POC1B: variants seen among roughly 807,000 people sequenced by gnomAD.
POC1B encodes the protein POC1 centriolar protein B.
POC1B carries 44 observed loss-of-function variants against 60.6 expected under a neutral mutation model. The observed-to-expected ratio is 0.73, with a 90% CI of 0.57 to 0.93. The LOEUF (loss-of-function observed/expected upper bound fraction) is 0.93, where lower values mean the gene tolerates loss of function less well. Ranked by LOEUF, POC1B falls within the 40% of genes least tolerant of loss-of-function variation. The pLI is 0.00. For synonymous variants in POC1B, 180 were observed against 198.9 expected (o/e 0.90, Z 0.80); for missense variants, 555 against 572.3 (o/e 0.97, Z 0.31).
chr12:89,439,961 T>G (rs1881440334), intron 10 of POC1B, among the ~76,000 whole-genome samples: 1 of 152,182 alleles, frequency 6.6e-6, no homozygotes, highest in Admixed American at 6.5e-5. Context: ...AAACTCTCTC[T>G]GATCCCACAC....
intron 4 of POC1B, 110 bp from the exon 5 acceptor site, chr12:89,472,385 CT>C (rs1203946714): frequency 1.5e-6 from 1 of 687,156 alleles, no homozygotes; most frequent in African/African-American, 1.8e-5. Flanking sequence ...CCAGAGACCA[CT>C]GTTACCATCC....
intron 4 of POC1B, among the ~76,000 whole-genome samples, chr12:89,486,236 C>T (rs1030494138): frequency 2.6e-5 from 4 of 152,030 alleles, no homozygotes; most frequent in Admixed American, 6.6e-5. Context: ...ACTTGTAATT[C>T]GAAGTCTAAT....
chr12:89,412,592 G>A, the POC1B span, among the ~76,000 whole-genome samples: 2 of 151,076 alleles, frequency 1.3e-5, no homozygotes, highest in Admixed American at 6.6e-5. Flanking sequence ...AGAAGAATCC[G>A]CTTGAACCCG....
chr12:89,492,295 C>T (rs777873018), intron 3 of POC1B, among the ~76,000 whole-genome samples, 180 bp from the exon 4 acceptor site: 1 of 152,012 alleles, frequency 6.6e-6, no homozygotes, highest in African/African-American at 2.4e-5. Context: ...ACTGAAATTT[C>T]CATGAAATTT....
In POC1B at chr12:89,442,585, A is replaced by C. The variant is rs142334962; in HGVS notation, c.1113+17053T>G. On this transcript the variant is annotated intron_variant, in intron 10 of 11. Transcript: ENST00000313546. The stretch of plus-strand genomic sequence containing the variant: ...ATTTTGTCACCACCAGGCCTGCCTT[A>C]CAAGAGCTCCTGAAGGAAGCACTAA... Among the ~76,000 whole-genome samples the C allele has an allele frequency of 6.1e-3, 933 of 152,348 alleles. 7 individuals are homozygous for C. Among genetic ancestry groups the C allele is most frequent in the African/African-American group, 0.022 (897 of 41,578 alleles).
intron 10 of POC1B, among the ~76,000 whole-genome samples, chr12:89,450,585 T>C (rs1882000227): frequency 6.6e-6 from 1 of 152,094 alleles, no homozygotes. Context: ...AGTACACAAA[T>C]ACACAATCTT....
At chr12:89,483,642 G>T (rs1868471433) in intron 4 of POC1B, among the ~76,000 whole-genome samples, 2 of 152,048 alleles carry the variant, frequency 1.3e-5, no homozygotes, top group African/African-American at 4.8e-5. Flanking sequence ...TGAATTTTTT[G>T]GGAGACACAA....
At chr12:89,456,140 C>A (rs1882248277) in intron 10 of POC1B, among the ~76,000 whole-genome samples, 2 of 152,146 alleles carry the variant, frequency 1.3e-5, no homozygotes, top group South Asian at 4.2e-4. Flanking sequence ...CCTGCCTCAG[C>A]CTCCCAAGTA....
downstream of POC1B, among the ~76,000 whole-genome samples, chr12:89,418,971 T>C (rs1880421263): frequency 6.6e-6 from 1 of 151,918 alleles, no homozygotes; most frequent in Non-Finnish European, 1.5e-5. Flanking sequence ...TGGTGGGAAA[T>C]GAAGGTGGTA....
intron 4 of POC1B, among the ~76,000 whole-genome samples, chr12:89,490,553 C>T (rs758364336): frequency 1.6e-4 from 24 of 152,164 alleles, no homozygotes; most frequent in Non-Finnish European, 3.4e-4. Context: ...CCACATTGGC[C>T]AGGCTGGTCT....
chr12:89,436,203 G>A (rs1031136750), intron 10 of POC1B, among the ~76,000 whole-genome samples: 9 of 151,720 alleles, frequency 5.9e-5, no homozygotes, highest in African/African-American at 1.9e-4. Context: ...CACCCATCTC[G>A]GCCTTCCAAA....
chr12:89,413,678 A>G, the POC1B span, among the ~76,000 whole-genome samples: 2 of 152,096 alleles, frequency 1.3e-5, no homozygotes, highest in African/African-American at 2.4e-5. Flanking sequence ...TAACCCTTAC[A>G]TTGTGTGGTT....
chr12:89,421,115 T>C lies in POC1B; in HGVS notation c.*38A>G, dbSNP rs367799069. 84 of 1,485,000 alleles carry C rather than the reference T, an allele frequency of 5.7e-5. No homozygotes were observed. The highest frequency in any genetic ancestry group is 7.5e-5 in the Non-Finnish European group (81 of 1,082,084). The allele number at this position is 1,485,000 out of a possible 1,614,324, so 92.0% of individuals were successfully genotyped here. A position where few individuals can be genotyped will look rare whatever the true frequency, so the allele number is the denominator to read the frequency against. On this transcript the variant is annotated 3_prime_UTR_variant, in exon 12 of 12. Coordinates refer to ENST00000313546, the MANE Select transcript of POC1B (RefSeq NM_172240.3). ...GAGTGTATGTACATTTGTTCATTTA[T>C]TGGGCCTCTGCCCAACAAATGAAAA...
At chr12:89,418,508 T>C (rs146698007), downstream of POC1B, among the ~76,000 whole-genome samples, 160 of 152,072 alleles carry the variant, frequency 1.1e-3, 2 homozygotes, top group African/African-American at 3.6e-3. Context: ...GGTGCTATGG[T>C]TTGGATATGG....
intron 10 of POC1B, among the ~76,000 whole-genome samples, chr12:89,448,590 C>T (rs573487890): frequency 2.2e-4 from 33 of 152,208 alleles, no homozygotes; most frequent in African/African-American, 7.5e-4. Context: ...GTAACAAAGC[C>T]CTGCCAAGGG....
intron 2 of POC1B, chr12:89,524,507 GCAGCAGGCAGCT>G: frequency 1.2e-6 from 2 of 1,612,358 alleles, no homozygotes; most frequent in Non-Finnish European, 1.7e-6. Flanking sequence ...AAAAACGCCA[GCAGCAGGCAGCT>G]CTTGCCTGCC....
chr12:89,412,217 C>A, the POC1B span, among the ~76,000 whole-genome samples: 1 of 152,192 alleles, frequency 6.6e-6, no homozygotes, highest in Non-Finnish European at 1.5e-5. Flanking sequence ...CAAATCCTTG[C>A]CCTGCTGAGC....
At chr12:89,493,060 C>G (rs1869062265) in intron 3 of POC1B, among the ~76,000 whole-genome samples, 1 of 152,136 alleles carries the variant, frequency 6.6e-6, no homozygotes, top group Non-Finnish European at 1.5e-5. Flanking sequence ...TGCCCAAGTA[C>G]TTTGGTGAGG....
At chr12:89,464,979 G>A (rs1054042889) in intron 9 of POC1B, among the ~76,000 whole-genome samples, 1 of 152,038 alleles carries the variant, frequency 6.6e-6, no homozygotes, top group Non-Finnish European at 1.5e-5. Flanking sequence ...TGTACACAGA[G>A]GCTGACTACC....
Sources: gnomAD v4.1 joint callset for allele counts (sites outside exome capture counted in the v4.1 genomes callset) on GRCh38, gnomAD v4.1.1 for gene constraint, MANE v1.5 for transcripts, NCBI Gene and HGNC (gene_info 2026-07-23, HGNC 2026-07-21) for gene names.